The following C6 variants were observed in gnomAD, a reference collection of about 807,000 sequenced individuals.
The protein encoded by C6 is complement C6.
In C6, 101 loss-of-function variants were observed where a neutral mutation model predicts 112.9. That is an observed-to-expected ratio of 0.89 (90% CI 0.76 to 1.06). The LOEUF (loss-of-function observed/expected upper bound fraction) is 1.06. Ranked by LOEUF, C6 falls within the 50% of genes least tolerant of loss-of-function variation. The pLI, the probability that C6 is intolerant of heterozygous loss-of-function variation, is 0.00. For synonymous variants in C6, 431 were observed against 384.1 expected (o/e 1.12, Z -1.43); for missense variants, 1,202 against 1,104.6 (o/e 1.09, Z -1.25).
chr5:41,200,654 C>T (rs980334980), intron 3 of C6, among the ~76,000 whole-genome samples: 1 of 152,140 alleles, frequency 6.6e-6, no homozygotes, highest in Admixed American at 6.6e-5. Context: ...TTCTTCCCTG[C>T]TGTGTAAATG....
At chr5:41,203,619 C>G (rs1751205300) in intron 1 of C6, 1 of 221,038 alleles carries the variant, frequency 4.5e-6, no homozygotes, top group Non-Finnish European at 9.3e-6. Flanking sequence ...GCAATAGCCT[C>G]AAGTACATTT....
chr5:41,205,509 G>C (rs1365206698), intron 1 of C6, among the ~76,000 whole-genome samples: 1 of 152,140 alleles, frequency 6.6e-6, no homozygotes, highest in Non-Finnish European at 1.5e-5. Flanking sequence ...GGAAAATCGG[G>C]ACACTCCCAC....
At chr5:41,169,990 T>C (rs1251982407) in intron 9 of C6, among the ~76,000 whole-genome samples, 1 of 152,220 alleles carries the variant, frequency 6.6e-6, no homozygotes, top group Non-Finnish European at 1.5e-5. Flanking sequence ...GAGTAGTTTT[T>C]TTCCAGTAGG....
chr5:41,229,592 T>C (rs1718339291), intron 1 of C6, among the ~76,000 whole-genome samples: 1 of 152,148 alleles, frequency 6.6e-6, no homozygotes, highest in African/African-American at 2.4e-5. Context: ...TTTTGTGGCC[T>C]AACATGTGAT....
At chr5:41,234,364 GT>G (rs70988840) in intron 1 of C6, among the ~76,000 whole-genome samples, 77 of 122,942 alleles carry the variant, frequency 6.3e-4, no homozygotes, top group East Asian at 1.8e-3. Context: ...TTTGTTTTTT[GT>G]TTTTTTTTTT....
At chr5:41,190,408 A>G (rs1381969359) in intron 5 of C6, among the ~76,000 whole-genome samples, 2 of 152,104 alleles carry the variant, frequency 1.3e-5, no homozygotes, top group Non-Finnish European at 2.9e-5. Context: ...CTTTTGGTAA[A>G]TGTCTTATTA....
chr5:41,247,791 G>A (rs1741115402), intron 1 of C6, among the ~76,000 whole-genome samples: 1 of 150,538 alleles, frequency 6.6e-6, no homozygotes, highest in Non-Finnish European at 1.5e-5. Context: ...TTGTACAAGT[G>A]AAAACAAAAT....
intron 3 of C6, among the ~76,000 whole-genome samples, 162 bp downstream of exon 3, chr5:41,201,386 ACCCCCTCTTC>A (rs1452435633): frequency 1.3e-5 from 2 of 151,970 alleles, no homozygotes; most frequent in Non-Finnish European, 2.9e-5. Context: ...CATAAAATAA[ACCCCCTCTTC>A]CCCCCACAAA....
chr5:41,155,024 G>C lies in C6; in HGVS notation c.2049C>G (p.Tyr683Ter), dbSNP rs867425110. The C allele has an allele frequency of 1.9e-6, 3 of 1,613,524 alleles. No individual in the cohort carries two copies. In the Middle Eastern group the frequency reaches 5.0e-4, roughly 266 times the overall value. ...LTGFETVGYQ[Y>*]FRCLPDGTWR... is the part of the protein sequence containing the mutation. Reference sequence around the variant, plus strand: ...AGGTCCCGTCTGGTAAGCATCTGAAGTACTGGTATCCAACAGTTTCAAAGC... The same window carrying C: ...AGGTCCCGTCTGGTAAGCATCTGAACTACTGGTATCCAACAGTTTCAAAGC... The change falls in exon 14 of 18, where the codon TAC becomes TAG. Residue 683 changes from tyrosine to a stop codon, truncating the protein, a stop_gained. Transcript: ENST00000337836. LOFTEE classifies it high-confidence loss of function.
intron 7 of C6, among the ~76,000 whole-genome samples, chr5:41,180,213 G>A (rs921419551): frequency 2.0e-5 from 3 of 152,158 alleles, no homozygotes; most frequent in Admixed American, 6.5e-5. Context: ...AGGAGCAACC[G>A]TAATATGGTG....
rs1289179731 is a variant in C6, at chr5:41,176,567, T to C, written c.1076A>G (p.Asp359Gly). Residue 359 changes from aspartate (D) to glycine (G), a missense_variant, in exon 8 of 18, where the codon GAT becomes GGT. Transcript: ENST00000337836. ...GGTGAAGTAATGAGTCCCAAAGTCA[T>C]CGAATATTCGGCTGTACAAAGCAGA... is the stretch of plus-strand genomic sequence containing the variant. ...YNSALYSRIFDDFGTHYFTSG... is the reference protein window; with the variant it reads ...YNSALYSRIFGDFGTHYFTSG... The C allele has an allele frequency of 6.2e-7, 1 of 1,613,788 alleles. No individual in the cohort carries two copies. The highest frequency in any genetic ancestry group is 8.5e-7 in the Non-Finnish European group (1 of 1,179,892).
At chr5:41,169,331 G>GCA (rs142515901) in intron 9 of C6, among the ~76,000 whole-genome samples, 7 of 151,146 alleles carry the variant, frequency 4.6e-5, no homozygotes, top group Non-Finnish European at 7.4e-5. Context: ...ACACACACAG[G>GCA]CACACACACA....
rs1749583711 is a variant in C6, at chr5:41,184,187, A to G, written c.726+1883T>C. ...ACAATTGGATTCCAAAATTCCTGAAAAGTTAACAGTTGACTCTTGTGAACT... is the reference window on the plus strand; with the variant it reads ...ACAATTGGATTCCAAAATTCCTGAAGAGTTAACAGTTGACTCTTGTGAACT... On this transcript the variant is annotated intron_variant, in intron 6 of 17. Coordinates refer to ENST00000337836, the MANE Select transcript of C6 (RefSeq NM_000065.5). 2.0e-5 allele frequency among the ~76,000 whole-genome samples: 3 copies of G among 152,180 alleles called. No individual in the cohort carries two copies. In the East Asian group the frequency reaches 5.8e-4, roughly 29 times the overall value.
chr5:41,216,592 C>T (rs1397016569), upstream of C6, among the ~76,000 whole-genome samples: 3 of 152,122 alleles, frequency 2.0e-5, no homozygotes, highest in Non-Finnish European at 4.4e-5. Flanking sequence ...TCCCTGACTC[C>T]TCCTATCCTT....
chr5:41,152,327 G>A (rs1436882803), intron 15 of C6, among the ~76,000 whole-genome samples: 3 of 152,178 alleles, frequency 2.0e-5, no homozygotes, highest in Middle Eastern at 3.4e-3. Flanking sequence ...ATGAAAGAGG[G>A]AACCTTGGTT....
intron 1 of C6, among the ~76,000 whole-genome samples, chr5:41,220,934 T>G (rs901986041): frequency 6.6e-6 from 1 of 152,060 alleles, no homozygotes; most frequent in Non-Finnish European, 1.5e-5. Flanking sequence ...ATAAACAGAT[T>G]TTTTAAAAAA....
intron 1 of C6, among the ~76,000 whole-genome samples, chr5:41,256,777 A>C (rs911486316): frequency 5.9e-5 from 9 of 152,124 alleles, no homozygotes; most frequent in African/African-American, 2.2e-4. Flanking sequence ...TGAGTCTCTT[A>C]TTAGACAGAT....
chr5:41,231,749 CTT>C (rs1434455957), intron 1 of C6, among the ~76,000 whole-genome samples: 1 of 151,918 alleles, frequency 6.6e-6, no homozygotes, highest in African/African-American at 2.4e-5. Flanking sequence ...TTATTCCCCT[CTT>C]GTTTGACATT....
At chr5:41,168,948 A>G (rs1748199148) in intron 9 of C6, among the ~76,000 whole-genome samples, 1 of 152,148 alleles carries the variant, frequency 6.6e-6, no homozygotes, top group Non-Finnish European at 1.5e-5. Flanking sequence ...TAGTAGTCTC[A>G]AGGCCCTCAC....
Sources: allele counts gnomAD v4.1 joint callset (sites outside exome capture counted in the v4.1 genomes callset), GRCh38; gene constraint gnomAD v4.1.1; transcripts MANE v1.5; gene names NCBI Gene and HGNC (gene_info 2026-07-23, HGNC 2026-07-21).